Variants in MCC observed in about 807,000 individuals in gnomAD.
MCC encodes the protein MCC regulator of Wnt signaling pathway.
A neutral mutation model predicts 116.2 loss-of-function variants in MCC; 90 were observed. The observed-to-expected ratio is 0.77, with a 90% CI of 0.65 to 0.92. The LOEUF (loss-of-function observed/expected upper bound fraction) is 0.92. Ranked by LOEUF, MCC falls within the 40% of genes least tolerant of loss-of-function variation. The pLI, the probability that MCC is intolerant of heterozygous loss-of-function variation, is 0.00. For synonymous variants in MCC, 578 were observed against 510.5 expected (o/e 1.13, Z -1.78); for missense variants, 1,516 against 1,312.2 (o/e 1.16, Z -2.40).
chr5:113,456,190 T>C (rs1453260823), intron 1 of MCC, among the ~76,000 whole-genome samples: 8 of 152,174 alleles, frequency 5.3e-5, no homozygotes, highest in African/African-American at 9.7e-5. Flanking sequence ...AACCTATTTA[T>C]GGCTATGTTA....
chr5:113,181,722 A>C (rs1761637425), intron 3 of MCC, among the ~76,000 whole-genome samples: 1 of 152,218 alleles, frequency 6.6e-6, no homozygotes, highest in African/African-American at 2.4e-5. Flanking sequence ...AACCAAAATG[A>C]AGATCATCTG....
chr5:113,264,987 G>T (rs921628149), intron 3 of MCC, among the ~76,000 whole-genome samples: 10 of 152,016 alleles, frequency 6.6e-5, no homozygotes, highest in Non-Finnish European at 1.5e-4. Context: ...GTTGCAGTGA[G>T]CCAAGATCAC....
At chr5:113,211,097 C>T (rs908136535) in intron 3 of MCC, among the ~76,000 whole-genome samples, 2 of 152,114 alleles carry the variant, frequency 1.3e-5, no homozygotes, top group African/African-American at 4.8e-5. Context: ...ATCCTCATCC[C>T]CAATGTGATG....
chr5:113,258,974 GCTATCCATTAAAATT>G (rs1362999952), intron 3 of MCC, among the ~76,000 whole-genome samples: 3 of 152,090 alleles, frequency 2.0e-5, no homozygotes, highest in Non-Finnish European at 4.4e-5. Context: ...TATGCTTTTT[GCTATCCATTAAAATT>G]CTTACATCAA....
chr5:113,297,571 A>T (rs1031495158), intron 3 of MCC, among the ~76,000 whole-genome samples: 17 of 151,640 alleles, frequency 1.1e-4, no homozygotes, highest in South Asian at 2.1e-4. Flanking sequence ...TCTCAAAAAA[A>T]AATAATAATA....
chr5:113,032,185 C>T (rs1161153707), intron 17 of MCC, among the ~76,000 whole-genome samples: 1 of 152,084 alleles, frequency 6.6e-6, no homozygotes, highest in African/African-American at 2.4e-5. Flanking sequence ...CCGGGGCTGG[C>T]GGATCACCTG....
At chr5:113,417,952 T>C (rs1009536060) in intron 1 of MCC, among the ~76,000 whole-genome samples, 1 of 151,332 alleles carries the variant, frequency 6.6e-6, no homozygotes, top group Non-Finnish European at 1.5e-5. Flanking sequence ...AAAAAAGTCA[T>C]ACAAAAGTGA....
intron 3 of MCC, among the ~76,000 whole-genome samples, chr5:113,195,657 T>TG (rs1762369084): frequency 6.6e-6 from 1 of 152,146 alleles, no homozygotes; most frequent in Admixed American, 6.5e-5. Context: ...AAAAGCCAGA[T>TG]GGAGGGTGCA....
chr5:113,045,816 A>AT (rs1752034207), intron 16 of MCC, among the ~76,000 whole-genome samples: 1 of 151,100 alleles, frequency 6.6e-6, no homozygotes, highest in African/African-American at 2.4e-5. Flanking sequence ...AAAAAAAAAA[A>AT]TTAAATAAAG....
chr5:113,453,147 C>T (rs1035010610), intron 1 of MCC, among the ~76,000 whole-genome samples: 4 of 152,074 alleles, frequency 2.6e-5, no homozygotes, highest in South Asian at 2.1e-4. Context: ...CCAGCGTGAA[C>T]GCATGTTCGG....
chr5:113,236,247 C>T (rs1418042719), intron 3 of MCC, among the ~76,000 whole-genome samples: 1 of 152,080 alleles, frequency 6.6e-6, no homozygotes, highest in African/African-American at 2.4e-5. Flanking sequence ...ACCAATATGC[C>T]TGAGCCTAGG....
intron 3 of MCC, among the ~76,000 whole-genome samples, chr5:113,331,275 T>C (rs1305314746): frequency 1.3e-5 from 2 of 151,662 alleles, no homozygotes; most frequent in Non-Finnish European, 2.9e-5. Flanking sequence ...TTAGAAGACA[T>C]CAGAAAAATA....
chr5:113,043,579 T>A lies in MCC; in HGVS notation c.2707A>T (p.Thr903Ser). 6.2e-7 allele frequency: 1 copy of A among 1,614,208 alleles called. No individual in the cohort carries two copies. Among genetic ancestry groups the A allele is most frequent in the Non-Finnish European group, 8.5e-7 (1 of 1,180,032 alleles). The change falls in exon 17 of 19, where the codon ACG becomes TCG. Residue 903 changes from threonine to serine, a missense_variant. By Grantham distance (58) the Thr-to-Ser change is moderately conservative. Transcript: ENST00000408903. Reference protein sequence around the residue: ...PALSLAELRTTCSENELAAEF... With the variant: ...PALSLAELRTSCSENELAAEF... ...GCAGCCAGCTCATTCTCGCTGCACG[T>A]TGTCCTGAGTTCGGCTAGGGACAGA... is the stretch of plus-strand genomic sequence containing the variant.
At chr5:113,239,340 T>C (rs1014657530) in intron 3 of MCC, among the ~76,000 whole-genome samples, 5 of 152,104 alleles carry the variant, frequency 3.3e-5, no homozygotes, top group Admixed American at 2.6e-4. Flanking sequence ...GGAGATAAAT[T>C]GGGTAATAGG....
rs920930507 is a variant in MCC at position 113,022,478 on chromosome 5, GTAAA to G, written c.*4820_*4823del. Reference sequence around the variant, plus strand: ...TAATAGGAAACAAATCTCATGCAAAGTAAATAAATCTTGATGTCTAAAAACTGAT... The same window carrying G: ...TAATAGGAAACAAATCTCATGCAAAGTAAATCTTGATGTCTAAAAACTGAT... On this transcript the variant is annotated 3_prime_UTR_variant, in exon 19 of 19. Transcript: ENST00000408903. 22 of 152,618 alleles carry G rather than the reference GTAAA, an allele frequency of 1.4e-4. No homozygotes were observed. Among genetic ancestry groups the G allele is most frequent in the African/African-American group, 5.1e-4 (21 of 41,450 alleles). 9.5% of individuals were successfully genotyped at this position (152,618 alleles called of 1,614,324 possible). A position where few individuals can be genotyped will look rare whatever the true frequency, so the allele number is the denominator to read the frequency against.
chr5:113,075,005 TG>T (rs1272238367), intron 11 of MCC, among the ~76,000 whole-genome samples: 6 of 152,184 alleles, frequency 3.9e-5, no homozygotes, highest in Non-Finnish European at 8.8e-5. Flanking sequence ...GGCCCCTCTC[TG>T]GGGTGGCTGA....
intron 3 of MCC, among the ~76,000 whole-genome samples, chr5:113,271,367 C>A (rs1437710325): frequency 6.6e-6 from 1 of 152,142 alleles, no homozygotes; most frequent in African/African-American, 2.4e-5. Context: ...TGGCTCAAGT[C>A]TGGAACCAGA....
intron 5 of MCC, among the ~76,000 whole-genome samples, chr5:113,133,160 T>TTATTCTCTA (rs2150278790): frequency 6.6e-6 from 1 of 152,334 alleles, no homozygotes; most frequent in East Asian, 1.9e-4. Flanking sequence ...AACATTCAAA[T>TTATTCTCTA]TATTCTCTAG....
At position 113,416,868 on chromosome 5, in the gene MCC, T is replaced by C. The variant is rs76337703; in HGVS notation, c.171-31656A>G. On this transcript the variant is annotated intron_variant, in intron 1 of 18. Coordinates refer to ENST00000408903, the MANE Select transcript of MCC (RefSeq NM_001085377.2). ...ATCGTCAAATATAATGACAATTATTTTTGTCAACAATTTGCAAATTATTGA... is the reference window on the plus strand; with the variant it reads ...ATCGTCAAATATAATGACAATTATTCTTGTCAACAATTTGCAAATTATTGA... 1.1e-3 allele frequency among the ~76,000 whole-genome samples: 162 copies of C among 152,326 alleles called. 1 individual carries two copies. The East Asian group carries it at 0.026, about 25-fold the overall frequency.
Sources: allele counts gnomAD v4.1 joint callset (sites outside exome capture counted in the v4.1 genomes callset), GRCh38; gene constraint gnomAD v4.1.1; transcripts MANE v1.5; gene names NCBI Gene and HGNC (gene_info 2026-07-23, HGNC 2026-07-21).